SPATA9: variants seen among roughly 807,000 people sequenced by gnomAD.
The protein encoded by SPATA9 is spermatogenesis associated 9.
SPATA9 carries 27 observed loss-of-function variants against 25.5 expected under a neutral mutation model. The ratio of observed to expected loss-of-function variants is 1.06; its 90% CI spans 0.78 to 1.46. SPATA9 has a LOEUF of 1.46. SPATA9 is among the 40% of genes most tolerant of loss of function. The pLI is 0.00. For synonymous variants in SPATA9, 102 were observed against 105.7 expected (o/e 0.97, Z 0.21); for missense variants, 282 against 297.5 (o/e 0.95, Z 0.38).
At chr5:95,721,268 C>A in the SPATA9 span, among the ~76,000 whole-genome samples, 1 of 152,116 alleles carries the variant, frequency 6.6e-6, no homozygotes, top group South Asian at 2.1e-4. Flanking sequence ...TGAAATTAGT[C>A]CAGAAGGATC....
At chr5:95,696,110 G>T (rs998295093) in intron 1 of SPATA9, among the ~76,000 whole-genome samples, 1 of 152,148 alleles carries the variant, frequency 6.6e-6, no homozygotes, top group African/African-American at 2.4e-5. Flanking sequence ...GCCTTAAGAT[G>T]ACTGTCACCC....
At position 95,673,661 on chromosome 5, in the gene SPATA9, G is replaced by C. The variant is rs573450737; in HGVS notation, c.378+1751C>G. Among the ~76,000 whole-genome samples, 8 of 152,258 alleles carry C rather than the reference G, an allele frequency of 5.3e-5. No homozygotes were observed. In the South Asian group the frequency reaches 1.7e-3, roughly 32 times the overall value. On this transcript the variant is annotated intron_variant, in intron 3 of 4. Coordinates refer to ENST00000274432, the MANE Select transcript of SPATA9 (RefSeq NM_031952.4). ...ACATGAAGTCAAAACATTAGGTTTA[G>C]AAAGATATTTCAGTGGGGATTTAAG...
At chr5:95,731,007 G>C in the SPATA9 span, 1 of 696,040 alleles carries the variant, frequency 1.4e-6, no homozygotes, top group Non-Finnish European at 2.2e-6. Context: ...CGGAGTGAGC[G>C]GGGGCCCCAT....
the SPATA9 span, among the ~76,000 whole-genome samples, chr5:95,716,638 C>T: frequency 6.6e-6 from 1 of 152,136 alleles, no homozygotes; most frequent in Admixed American, 6.5e-5. Context: ...TGAGTTAAGG[C>T]TTTGGGGAAC....
At chr5:95,686,426 CA>C (rs1246944620), upstream of SPATA9, among the ~76,000 whole-genome samples, 4 of 151,660 alleles carry the variant, frequency 2.6e-5, no homozygotes, top group Non-Finnish European at 4.4e-5. Flanking sequence ...AAAAAGCCCC[CA>C]AAACCTCCAA....
intron 3 of SPATA9, among the ~76,000 whole-genome samples, chr5:95,673,087 A>C (rs1752560475): frequency 6.6e-6 from 1 of 152,008 alleles, no homozygotes; most frequent in African/African-American, 2.4e-5. Context: ...TGAATAATTA[A>C]TCTCTCTCTC....
intron 1 of SPATA9, among the ~76,000 whole-genome samples, chr5:95,691,487 T>C (rs1431732918): frequency 2.0e-5 from 3 of 152,198 alleles, no homozygotes; most frequent in Non-Finnish European, 4.4e-5. Context: ...AAAATACTGA[T>C]TTGACTACCG....
the SPATA9 span, among the ~76,000 whole-genome samples, chr5:95,727,291 T>C: frequency 8.5e-6 from 1 of 117,652 alleles, no homozygotes; most frequent in South Asian, 3.4e-4. Context: ...CCTTAAAACA[T>C]AGTTGGAAAA....
chr5:95,717,069 T>C, the SPATA9 span: 3 of 152,282 alleles, frequency 2.0e-5, no homozygotes, highest in Admixed American at 6.5e-5. Flanking sequence ...GGGGTCCATA[T>C]ATTCGGTTGC....
At chr5:95,653,938 C>A, downstream of SPATA9, 1 of 648,330 alleles carries the variant, frequency 1.5e-6, no homozygotes, top group Non-Finnish European at 2.7e-6. Flanking sequence ...TTTTATATAG[C>A]TACAGAAAGT....
chr5:95,711,933 C>T, the SPATA9 span, among the ~76,000 whole-genome samples: 1 of 152,194 alleles, frequency 6.6e-6, no homozygotes, highest in South Asian at 2.1e-4. Context: ...AGAGGGCCAC[C>T]CAACTCCAAA....
intron 8 of SPATA9, chr5:95,653,276 G>T: frequency 6.5e-7 from 1 of 1,545,844 alleles, no homozygotes. Context: ...CTATCTGGTT[G>T]TGCCTGTAAG....
intron 1 of SPATA9, among the ~76,000 whole-genome samples, chr5:95,695,121 A>T (rs1381497866): frequency 6.6e-6 from 1 of 152,222 alleles, no homozygotes; most frequent in Admixed American, 6.5e-5. Context: ...ACTATATTTC[A>T]ATATGAATTT....
chr5:95,697,578 G>T (rs1754055850), intron 1 of SPATA9, among the ~76,000 whole-genome samples: 1 of 152,124 alleles, frequency 6.6e-6, no homozygotes, highest in South Asian at 2.1e-4. Context: ...ACAATCAAGG[G>T]GAGGGAAGGT....
the SPATA9 span, chr5:95,731,968 G>A: frequency 1.9e-6 from 3 of 1,614,072 alleles, no homozygotes; most frequent in Non-Finnish European, 2.5e-6. Flanking sequence ...GGTCTCCGGG[G>A]ACGAGAGCAG....
At chr5:95,731,320 G>A in the SPATA9 span, 3 of 1,076,876 alleles carry the variant, frequency 2.8e-6, no homozygotes, top group Non-Finnish European at 3.4e-6. Context: ...AGAGGAGGAG[G>A]AGCAGCGGCA....
intron 1 of SPATA9, among the ~76,000 whole-genome samples, chr5:95,697,450 G>C (rs187714383): frequency 3.0e-4 from 46 of 152,268 alleles, no homozygotes; most frequent in South Asian, 1.7e-3. Context: ...GTGGCAAGGA[G>C]AGACACACAG....
upstream of SPATA9, among the ~76,000 whole-genome samples, chr5:95,687,082 C>A (rs1478754251): frequency 6.6e-6 from 1 of 152,130 alleles, no homozygotes; most frequent in African/African-American, 2.4e-5. Context: ...CAAAGCAGAT[C>A]CCAAAGGAAA....
At chr5:95,665,420 T>C (rs1407948987) in intron 3 of SPATA9, among the ~76,000 whole-genome samples, 2 of 152,206 alleles carry the variant, frequency 1.3e-5, no homozygotes, top group South Asian at 2.1e-4. Context: ...TGCTTCTATG[T>C]ACCAACTTTT....
Sources: allele counts gnomAD v4.1 joint callset (sites outside exome capture counted in the v4.1 genomes callset), GRCh38; gene constraint gnomAD v4.1.1; transcripts MANE v1.5; gene names NCBI Gene and HGNC (gene_info 2026-07-23, HGNC 2026-07-21).